The following TPO variants were observed in gnomAD, a reference collection of about 807,000 sequenced individuals.
TPO encodes the protein thyroid peroxidase.
In TPO, 78 loss-of-function variants were observed where a neutral mutation model predicts 96.9. The observed-to-expected ratio is 0.81, with a 90% CI of 0.67 to 0.97. TPO has a LOEUF of 0.97. Ranked by LOEUF, TPO falls within the 50% of genes least tolerant of loss-of-function variation. TPO has a pLI of 0.00. For synonymous variants in TPO, 547 were observed against 538.0 expected (o/e 1.02, Z -0.23); for missense variants, 1,252 against 1,274.8 (o/e 0.98, Z 0.27).
At chr2:1,401,074 C>T (rs1258938612) in intron 1 of TPO, among the ~76,000 whole-genome samples, 1 of 151,482 alleles carries the variant, frequency 6.6e-6, no homozygotes, top group Non-Finnish European at 1.5e-5. Context: ...GCTCAGAGAG[C>T]TTCACCTCCA....
chr2:1,492,330 T>C (rs190721213), intron 10 of TPO, among the ~76,000 whole-genome samples: 157 of 152,240 alleles, frequency 1.0e-3, no homozygotes, highest in African/African-American at 3.6e-3. Flanking sequence ...AATTTTTGTA[T>C]TTTTAGTAGA....
chr2:1,535,514 A>G (rs1332874222), intron 15 of TPO, among the ~76,000 whole-genome samples: 1 of 4,656 alleles, frequency 2.1e-4, no homozygotes. Context: ...ACTGGGTGCA[A>G]CCTCCCCAAA....
At chr2:1,401,456 T>C (rs931543192) in intron 1 of TPO, among the ~76,000 whole-genome samples, 17 of 152,148 alleles carry the variant, frequency 1.1e-4, no homozygotes, top group African/African-American at 4.1e-4. Context: ...CAATGGGCTT[T>C]GGTTTGCTCA....
chr2:1,410,829 CAT>C (rs1465898327), upstream of TPO, among the ~76,000 whole-genome samples: 1 of 152,062 alleles, frequency 6.6e-6, no homozygotes, highest in African/African-American at 2.4e-5. Context: ...TGATTTTTCT[CAT>C]AATGGGAGAA....
intron 14 of TPO, among the ~76,000 whole-genome samples, chr2:1,506,520 T>C (rs1673483594): frequency 6.6e-6 from 1 of 152,222 alleles, no homozygotes; most frequent in African/African-American, 2.4e-5. Flanking sequence ...AGTGTTCCTA[T>C]TTCTTCACAT....
At chr2:1,428,023 G>A (rs530970157) in intron 3 of TPO, among the ~76,000 whole-genome samples, 2 of 152,282 alleles carry the variant, frequency 1.3e-5, no homozygotes, top group East Asian at 1.9e-4. Context: ...CAGAGAATTC[G>A]TGGGAACATA....
intron 3 of TPO, among the ~76,000 whole-genome samples, chr2:1,425,856 A>C (rs1166919709): frequency 6.6e-6 from 1 of 150,422 alleles, no homozygotes; most frequent in Non-Finnish European, 1.5e-5. Flanking sequence ...TACAGAGATG[A>C]GTTCGATCAT....
At chr2:1,458,162 C>T (rs183273932) in intron 7 of TPO, among the ~76,000 whole-genome samples, 6 of 150,542 alleles carry the variant, frequency 4.0e-5, no homozygotes, top group Non-Finnish European at 5.9e-5. Flanking sequence ...CGTGTGGACA[C>T]GTGTGTATAT....
intron 5 of TPO, among the ~76,000 whole-genome samples, chr2:1,446,033 A>G (rs1256824898): frequency 6.6e-6 from 1 of 152,156 alleles, no homozygotes; most frequent in Non-Finnish European, 1.5e-5. Flanking sequence ...CCTGCTATTA[A>G]ATTGGGGTAC....
At chr2:1,537,919 A>T (rs1680218169) in intron 15 of TPO, among the ~76,000 whole-genome samples, 1 of 114,668 alleles carries the variant, frequency 8.7e-6, no homozygotes, top group Admixed American at 1.1e-4. Flanking sequence ...CAACCTGCCC[A>T]ATTTCCCCCA....
chr2:1,470,472 C>G (rs1378929821), intron 7 of TPO, among the ~76,000 whole-genome samples: 1 of 151,324 alleles, frequency 6.6e-6, no homozygotes, highest in Non-Finnish European at 1.5e-5. Context: ...TTTTTCTTCT[C>G]TATGACATCT....
intron 10 of TPO, among the ~76,000 whole-genome samples, chr2:1,493,291 A>G (rs13420584): frequency 0.046 from 6,900 of 149,954 alleles, 562 homozygotes; most frequent in African/African-American, 0.16. Flanking sequence ...GAGCTGTGTC[A>G]GTTGCCCTGT....
intron 15 of TPO, among the ~76,000 whole-genome samples, chr2:1,522,941 T>TAA (rs1675501696): frequency 2.2e-4 from 1 of 4,508 alleles, no homozygotes; most frequent in South Asian, 7.4e-3. Flanking sequence ...CCACTCTGTG[T>TAA]AACCTCCCCA....
intron 14 of TPO, among the ~76,000 whole-genome samples, chr2:1,508,981 A>G (rs1407659104): frequency 6.6e-6 from 1 of 151,960 alleles, no homozygotes; most frequent in Non-Finnish European, 1.5e-5. Context: ...TGATGTTAGG[A>G]TGTCAATTTT....
intron 15 of TPO, among the ~76,000 whole-genome samples, chr2:1,534,149 C>T (rs1558432133): frequency 1.8e-5 from 1 of 55,596 alleles, no homozygotes; most frequent in Admixed American, 2.4e-4. Flanking sequence ...CTGTTTGCAA[C>T]CTCCCAAATC....
intron 3 of TPO, among the ~76,000 whole-genome samples, chr2:1,430,015 G>T (rs991307655): frequency 6.6e-6 from 1 of 152,228 alleles, no homozygotes; most frequent in African/African-American, 2.4e-5. Context: ...CCATTTACTA[G>T]AGAGATTAGC....
At chr2:1,449,507 C>G (rs544639524) in intron 5 of TPO, among the ~76,000 whole-genome samples, 5 of 152,080 alleles carry the variant, frequency 3.3e-5, no homozygotes. Context: ...TTAGAAGTGC[C>G]TGTAGATTGA....
intron 15 of TPO, among the ~76,000 whole-genome samples, chr2:1,536,898 AAATCCCAACTGTTTGCAACCTCCC>A (rs1679801234): frequency 9.0e-6 from 1 of 110,738 alleles, no homozygotes; most frequent in African/African-American, 3.8e-5. Flanking sequence ...CAACCTCCCC[AAATCCCAACTGTTTGCAACCTCCC>A]AAATCCCCCC....
chr2:1,509,283 G>A (rs1016159726), intron 14 of TPO, among the ~76,000 whole-genome samples: 1 of 152,168 alleles, frequency 6.6e-6, no homozygotes, highest in African/African-American at 2.4e-5. Flanking sequence ...TACATCTGCT[G>A]AGGAGAGGCA....
Sources: allele counts gnomAD v4.1 joint callset (sites outside exome capture counted in the v4.1 genomes callset), GRCh38; gene constraint gnomAD v4.1.1; transcripts MANE v1.5; gene names NCBI Gene and HGNC (gene_info 2026-07-23, HGNC 2026-07-21).